Variants in PAQR5 observed in about 807,000 individuals in gnomAD.
PAQR5 encodes the protein progestin and adipoQ receptor family member 5, also known as membrane progestin receptor gamma.
Under a neutral mutation model 34.5 loss-of-function variants are expected in PAQR5, and 20 were observed. That is an observed-to-expected ratio of 0.58 (90% confidence interval 0.41 to 0.84). PAQR5 has a LOEUF of 0.84. PAQR5 is among the 40% of genes least tolerant of loss of function. PAQR5 has a pLI of 0.00. For synonymous variants in PAQR5, 131 were observed against 155.6 expected (o/e 0.84, Z 1.18); for missense variants, 378 against 412.7 (o/e 0.92, Z 0.73).
chr15:69,382,708 A>G (rs2055930960), intron 4 of PAQR5: 1 of 123,214 alleles, frequency 8.1e-6, no homozygotes, highest in Non-Finnish European at 1.7e-5. Flanking sequence ...ATATATATGT[A>G]TGTATGTATA....
rs545792049 is a variant in PAQR5 at position 69,338,033 on chromosome 15, C to T, written c.-116+532C>T. ...CAGAGGCTGCAGCGAGCTGAGATTA[C>T]ACCACTGCACTCCAGCCTGGGTGAC... On this transcript the variant is annotated intron_variant, in intron 2 of 8. Transcript: ENST00000395407. Among the ~76,000 whole-genome samples, 17 of 152,266 alleles carry T rather than the reference C, an allele frequency of 1.1e-4. 1 individual carries two copies. The South Asian group carries it at 2.9e-3, about 26-fold the overall frequency.
chr15:69,327,244 G>A (rs146668587), intron 1 of PAQR5, among the ~76,000 whole-genome samples: 2 of 152,010 alleles, frequency 1.3e-5, no homozygotes, highest in African/African-American at 2.4e-5. Context: ...TGATCTTCCC[G>A]CCTCAGCCTC....
At chr15:69,348,705 T>C (rs1056422787) in intron 2 of PAQR5, among the ~76,000 whole-genome samples, 1 of 151,998 alleles carries the variant, frequency 6.6e-6, no homozygotes, top group Non-Finnish European at 1.5e-5. Context: ...GATCTGATAC[T>C]CAAGATGGCT....
intron 3 of PAQR5, among the ~76,000 whole-genome samples, chr15:69,361,966 G>C (rs1256714938): frequency 6.6e-6 from 1 of 151,884 alleles, no homozygotes; most frequent in African/African-American, 2.4e-5. Flanking sequence ...ATGGTGGGGG[G>C]ACTGGGGAGC....
chr15:69,397,315 G>T (rs748175525), intron 6 of PAQR5, 153 bp from the exon 7 acceptor site: 1 of 713,316 alleles, frequency 1.4e-6, no homozygotes, highest in Non-Finnish European at 2.6e-6. Flanking sequence ...AGGAATGGAC[G>T]AGGCTGGTGG....
intron 1 of PAQR5, among the ~76,000 whole-genome samples, chr15:69,333,243 A>T (rs756972099): frequency 6.6e-6 from 1 of 152,212 alleles, no homozygotes; most frequent in Non-Finnish European, 1.5e-5. Context: ...CCGTTTTGGA[A>T]AAAAGGCTCT....
At chr15:69,352,140 A>T (rs1338275999) in intron 2 of PAQR5, among the ~76,000 whole-genome samples, 1 of 152,192 alleles carries the variant, frequency 6.6e-6, no homozygotes, top group Non-Finnish European at 1.5e-5. Context: ...AGTCTTTGGC[A>T]GGCCCCTATA....
intron 1 of PAQR5, among the ~76,000 whole-genome samples, chr15:69,299,429 A>G (rs1054692065): frequency 3.9e-5 from 6 of 152,264 alleles, no homozygotes; most frequent in Non-Finnish European, 7.4e-5. Context: ...CCACTTTAAT[A>G]AAACCCTTGG....
chr15:69,321,979 T>A (rs2054106759), intron 1 of PAQR5, among the ~76,000 whole-genome samples: 1 of 151,922 alleles, frequency 6.6e-6, no homozygotes, highest in African/African-American at 2.4e-5. Context: ...CAGAAGTGAG[T>A]GGAAGCTAAT....
rs79547051 is a variant in PAQR5, at chr15:69,321,036, G to A, written c.-276-16305G>A. Reference sequence around the variant, plus strand: ...AGGAGCCACAATTTTTGTTTCTAAAGCATTTCCGATTTGCCTTTGAGTTCT... The same window carrying A: ...AGGAGCCACAATTTTTGTTTCTAAAACATTTCCGATTTGCCTTTGAGTTCT... On this transcript the variant is annotated intron_variant, in intron 1 of 8. Transcript: ENST00000395407. Among the ~76,000 whole-genome samples the A allele has an allele frequency of 5.0e-3, 762 of 152,224 alleles. 5 individuals carry two copies. Among genetic ancestry groups the A allele is most frequent in the Non-Finnish European group, 8.7e-3 (590 of 68,010 alleles).
chr15:69,359,129 C>T lies in PAQR5; in HGVS notation c.-115-837C>T, dbSNP rs533982736. ...ATGTGTCTTCACATGGTGGAAGGGG[C>T]GAACAAGCTCCCTCACACCTCTTTT... On this transcript the variant is annotated intron_variant, in intron 2 of 8. Coordinates refer to ENST00000395407, the MANE Select transcript of PAQR5 (RefSeq NM_017705.4). 6.6e-5 allele frequency among the ~76,000 whole-genome samples: 10 copies of T among 152,244 alleles called. No individual in the cohort carries two copies. In the East Asian group the frequency reaches 1.4e-3, roughly 21 times the overall value.
rs1169506430 is a variant in PAQR5 at position 69,300,870 on chromosome 15, T to G, written c.-277+1814T>G. ...CTTTCTTTCTTTCTTTCTTTCTTTC[T>G]TTCTTTCTTTCTTTCTTTCTTTCTT... On this transcript the variant is annotated intron_variant, in intron 1 of 8. Transcript: ENST00000395407. Among the ~76,000 whole-genome samples, 4 of 26,198 alleles carry G rather than the reference T, an allele frequency of 1.5e-4. 1 individual carries two copies. Among genetic ancestry groups the G allele is most frequent in the Admixed American group, 4.7e-4 (1 of 2,120 alleles). The allele number at this position is 26,198 out of a possible 152,430, so 17.2% of individuals were successfully genotyped here. A position where few individuals can be genotyped will look rare whatever the true frequency, so the allele number is the denominator to read the frequency against.
chr15:69,398,202 T>C (rs931052831), intron 7 of PAQR5, among the ~76,000 whole-genome samples: 3 of 152,034 alleles, frequency 2.0e-5, no homozygotes, highest in African/African-American at 7.3e-5. Flanking sequence ...ACTGTTAGTA[T>C]TGAAGGAAAA....
intron 1 of PAQR5, among the ~76,000 whole-genome samples, chr15:69,300,933 C>T (rs55668835): frequency 4.8e-4 from 4 of 8,402 alleles, no homozygotes; most frequent in Non-Finnish European, 7.1e-4. Flanking sequence ...CTCTCTCTCT[C>T]TCTCTCTTTC....
chr15:69,339,613 C>T (rs2054593535), intron 2 of PAQR5, among the ~76,000 whole-genome samples: 1 of 152,154 alleles, frequency 6.6e-6, no homozygotes, highest in Non-Finnish European at 1.5e-5. Flanking sequence ...ACTGGGACCA[C>T]AGGTGCACAC....
chr15:69,302,060 C>T (rs79900795), intron 1 of PAQR5, among the ~76,000 whole-genome samples: 2,969 of 151,148 alleles, frequency 0.02, 100 homozygotes, highest in African/African-American at 0.069. Flanking sequence ...TGACCAACTC[C>T]GGGTTGGTCA....
chr15:69,308,475 G>T lies in PAQR5; in HGVS notation c.-277+9419G>T, dbSNP rs146014557. Among the ~76,000 whole-genome samples the T allele has an allele frequency of 4.7e-4, 71 of 152,226 alleles. No homozygotes were observed. The East Asian group carries it at 0.013, about 29-fold the overall frequency. On this transcript the variant is annotated intron_variant, in intron 1 of 8. Transcript: ENST00000395407. ...TGGGCCAGATAATTCTTTGTCGTGT[G>T]GGACTGTCCTGTGCACTGCAGGATG...
chr15:69,338,575 A>C (rs796590016), intron 2 of PAQR5, among the ~76,000 whole-genome samples: 5 of 152,302 alleles, frequency 3.3e-5, no homozygotes, highest in African/African-American at 1.2e-4. Flanking sequence ...GTTCACTCCC[A>C]TTCCCACAAT....
chr15:69,368,529 A>C (rs886512157), intron 3 of PAQR5, among the ~76,000 whole-genome samples: 1 of 152,226 alleles, frequency 6.6e-6, no homozygotes, highest in African/African-American at 2.4e-5. Flanking sequence ...GAAATGTATC[A>C]GTTATTTCTT....
Sources: allele counts gnomAD v4.1 joint callset (sites outside exome capture counted in the v4.1 genomes callset), GRCh38; gene constraint gnomAD v4.1.1; transcripts MANE v1.5; gene names NCBI Gene and HGNC (gene_info 2026-07-23, HGNC 2026-07-21).